The following KIF6 variants were observed in gnomAD, a reference collection of about 807,000 sequenced individuals.
The protein encoded by KIF6 is kinesin family member 6, also known as kinesin-like protein KIF6.
KIF6 carries 106 observed loss-of-function variants against 112.7 expected under a neutral mutation model. That is an observed-to-expected ratio of 0.94 (90% CI 0.80 to 1.11). The LOEUF is 1.11. KIF6 is among the 50% of genes least tolerant of loss of function. KIF6 has a pLI of 0.00. For synonymous variants in KIF6, 339 were observed against 339.9 expected (o/e 1.00, Z 0.03); for missense variants, 929 against 964.0 (o/e 0.96, Z 0.48).
intron 1 of KIF6, among the ~76,000 whole-genome samples, chr6:39,721,607 T>C (rs1055919574): frequency 1.3e-5 from 2 of 152,152 alleles, no homozygotes; most frequent in East Asian, 3.8e-4. Flanking sequence ...ATAAGATTTG[T>C]CCCAAGACTT....
chr6:39,399,759 C>T (rs1254680401), intron 15 of KIF6, among the ~76,000 whole-genome samples: 1 of 152,214 alleles, frequency 6.6e-6, no homozygotes, highest in Non-Finnish European at 1.5e-5. Context: ...TGGGTCAAAG[C>T]CCTCCAAGAA....
chr6:39,494,236 A>C (rs1335605694), intron 13 of KIF6, among the ~76,000 whole-genome samples: 1 of 152,240 alleles, frequency 6.6e-6, no homozygotes, highest in Non-Finnish European at 1.5e-5. Context: ...AAGAGAACTT[A>C]ATACTTATCT....
At chr6:39,517,834 C>T (rs1023528354) in intron 13 of KIF6, among the ~76,000 whole-genome samples, 11 of 152,138 alleles carry the variant, frequency 7.2e-5, no homozygotes, top group African/African-American at 2.7e-4. Flanking sequence ...CAACAGACTG[C>T]CAAATCCTGC....
At chr6:39,383,771 C>T (rs1299654825) in intron 16 of KIF6, among the ~76,000 whole-genome samples, 2 of 152,092 alleles carry the variant, frequency 1.3e-5, no homozygotes, top group African/African-American at 4.8e-5. Context: ...AATATTGATT[C>T]TTCCAATTCA....
rs555661608 is a variant in KIF6 at position 39,543,602 on chromosome 6, A to C, written c.1426+953T>G. 3.6e-5 allele frequency among the ~76,000 whole-genome samples: 5 copies of C among 138,064 alleles called. No individual in the cohort carries two copies. The East Asian group carries it at 1.0e-3, about 28-fold the overall frequency. The allele number at this position is 138,064 out of a possible 152,430, so 90.6% of individuals were successfully genotyped here. A position where few individuals can be genotyped will look rare whatever the true frequency, so the allele number is the denominator to read the frequency against. Reference sequence around the variant, plus strand: ...ATTTTGCATAAATAGCTGAAGCTAAAGCATCTTTTGGTAATTTAAAAAAAG... The same window carrying C: ...ATTTTGCATAAATAGCTGAAGCTAACGCATCTTTTGGTAATTTAAAAAAAG... On this transcript the variant is annotated intron_variant, in intron 12 of 22. Transcript: ENST00000287152.
intron 3 of KIF6, among the ~76,000 whole-genome samples, chr6:39,686,484 A>AATACAACCC (rs67749434): frequency 0.28 from 42,948 of 151,812 alleles, 6,614 homozygotes; most frequent in Admixed American, 0.38. Flanking sequence ...ATAAGTCTTA[A>AATACAACCC]ATACAACCCA....
intron 16 of KIF6, among the ~76,000 whole-genome samples, chr6:39,363,046 G>A (rs1765285142): frequency 6.6e-6 from 1 of 152,204 alleles, no homozygotes; most frequent in African/African-American, 2.4e-5. Context: ...CTACTCGGGA[G>A]GCTGAGGCAG....
At chr6:39,519,317 G>A (rs2150522770) in intron 13 of KIF6, among the ~76,000 whole-genome samples, 1 of 152,276 alleles carries the variant, frequency 6.6e-6, no homozygotes, top group Admixed American at 6.5e-5. Context: ...CTAGGCTCTA[G>A]GAACATATCC....
chr6:39,505,087 A>G (rs1424539077), intron 13 of KIF6, among the ~76,000 whole-genome samples: 1 of 152,092 alleles, frequency 6.6e-6, no homozygotes, highest in Non-Finnish European at 1.5e-5. Flanking sequence ...TCATGCTGCC[A>G]GACTTCAAAC....
At chr6:39,619,129 A>C (rs1220661914) in intron 5 of KIF6, among the ~76,000 whole-genome samples, 2 of 152,238 alleles carry the variant, frequency 1.3e-5, no homozygotes, top group South Asian at 4.1e-4. Context: ...CTTTTATAAA[A>C]GTGAAAACAC....
At chr6:39,661,080 G>C (rs1786114440) in intron 3 of KIF6, among the ~76,000 whole-genome samples, 1 of 152,118 alleles carries the variant, frequency 6.6e-6, no homozygotes, top group Non-Finnish European at 1.5e-5. Flanking sequence ...CTGAAAAGCT[G>C]ATACTGTTTC....
Position 39,345,683 on chromosome 6 carries a change from A to C in KIF6, c.2321+17T>G. ...CTGCAGGGGCTGTCACAGGCATAAC[A>C]GGAGAAGACCACAGACCTGTCTTCC... On this transcript the variant is annotated intron_variant, in intron 21 of 22. Coordinates refer to ENST00000287152, the MANE Select transcript of KIF6 (RefSeq NM_145027.6). 6.2e-7 allele frequency: 1 copy of C among 1,607,630 alleles called. No homozygotes were observed. Among genetic ancestry groups the C allele is most frequent in the South Asian group, 1.1e-5 (1 of 89,706 alleles).
At chr6:39,496,436 T>C (rs772391449) in intron 13 of KIF6, among the ~76,000 whole-genome samples, 89 of 152,162 alleles carry the variant, frequency 5.8e-4, no homozygotes, top group Admixed American at 1.1e-3. Context: ...TATTAACACA[T>C]TGAAGACTCA....
chr6:39,645,470 A>G (rs1314255481), intron 3 of KIF6, among the ~76,000 whole-genome samples: 2 of 152,182 alleles, frequency 1.3e-5, no homozygotes, highest in East Asian at 3.9e-4. Flanking sequence ...GGCTTTAAGA[A>G]CCTCAAGATA....
intron 6 of KIF6, among the ~76,000 whole-genome samples, chr6:39,597,544 T>G (rs533913610): frequency 6.6e-6 from 1 of 152,214 alleles, no homozygotes; most frequent in South Asian, 2.1e-4. Flanking sequence ...TAGTAAAAGG[T>G]GCTGGAATAA....
At chr6:39,649,820 C>T (rs569550200) in intron 3 of KIF6, among the ~76,000 whole-genome samples, 11 of 152,222 alleles carry the variant, frequency 7.2e-5, no homozygotes, top group African/African-American at 1.7e-4. Flanking sequence ...TTTGAAATGT[C>T]GTAAGCAATC....
intron 12 of KIF6, among the ~76,000 whole-genome samples, chr6:39,543,804 A>G (rs1240628253): frequency 6.6e-6 from 1 of 152,220 alleles, no homozygotes; most frequent in African/African-American, 2.4e-5. Context: ...CAGGGGCTCC[A>G]TAGAAGTAAC....
intron 13 of KIF6, among the ~76,000 whole-genome samples, chr6:39,507,479 T>C (rs1167975007): frequency 5.3e-5 from 8 of 152,132 alleles, no homozygotes; most frequent in Admixed American, 2.0e-4. Flanking sequence ...GTAATTTTTT[T>C]TGGAGGCCCT....
At position 39,613,216 on chromosome 6, in the gene KIF6, T is replaced by C; in HGVS notation, c.612A>G (p.Leu204=). Reference sequence around the variant, plus strand: ...CTGCAATCATTCGGTTGGTGTCTCCTAAAAAAAGCAAATTCAGAGCTTCTT... The same window carrying C: ...CTGCAATCATTCGGTTGGTGTCTCCCAAAAAAAGCAAATTCAGAGCTTCTT... The part of the protein sequence containing the change: ...TEEEALNLLF[L]GDTNRMIAET... The change falls in exon 6 of 23, where the codon TTA becomes TTG. Residue 204 remains leucine, a synonymous_variant. Transcript: ENST00000287152. 2 of 1,601,876 alleles carry C rather than the reference T, an allele frequency of 1.2e-6. No homozygotes were observed. The highest frequency in any genetic ancestry group is 2.3e-5 in the East Asian group (1 of 44,154).
Sources: allele counts gnomAD v4.1 joint callset (sites outside exome capture counted in the v4.1 genomes callset), GRCh38; gene constraint gnomAD v4.1.1; transcripts MANE v1.5; gene names NCBI Gene and HGNC (gene_info 2026-07-23, HGNC 2026-07-21).